Variants in BTBD9 observed in about 807,000 individuals in gnomAD.
The protein encoded by BTBD9 is BTB domain containing 9.
A neutral mutation model predicts 64.3 loss-of-function variants in BTBD9; 49 were observed. The ratio of observed to expected loss-of-function variants is 0.76; its 90% CI spans 0.61 to 0.97. The LOEUF is 0.97. BTBD9 is among the 50% of genes least tolerant of loss of function. The pLI is 0.00. For synonymous variants in BTBD9, 260 were observed against 274.7 expected, an observed-to-expected ratio of 0.95 and a Z score of 0.53; for missense variants, 598 against 762.1, an observed-to-expected ratio of 0.78 and a Z score of 2.53.
intron 6 of BTBD9, among the ~76,000 whole-genome samples, chr6:38,378,332 C>G (rs1034719665): frequency 3.2e-4 from 49 of 151,440 alleles, no homozygotes; most frequent in African/African-American, 1.1e-3. Flanking sequence ...CAACCTCCAC[C>G]TCCTAGGTTT....
At chr6:38,462,516 C>T (rs914759018) in intron 6 of BTBD9, among the ~76,000 whole-genome samples, 1 of 152,172 alleles carries the variant, frequency 6.6e-6, no homozygotes, top group African/African-American at 2.4e-5. Context: ...TATATGACTA[C>T]TATACTGTTT....
rs1766708472 is a variant in BTBD9 at position 38,170,437 on chromosome 6, G to C, written c.*4548C>G. 6.5e-6 allele frequency: 1 copy of C among 152,818 alleles called. No individual in the cohort carries two copies. Among genetic ancestry groups the C allele is most frequent in the African/African-American group, 2.4e-5 (1 of 41,424 alleles). The allele number at this position is 152,818 out of a possible 1,614,324, so 9.5% of individuals were successfully genotyped here. A position where few individuals can be genotyped will look rare whatever the true frequency, so the allele number is the denominator to read the frequency against. On this transcript the variant is annotated 3_prime_UTR_variant, in exon 11 of 11. Transcript: ENST00000481247. ...AAGCCAGAGACCTACCACAAACAAA[G>C]ACCTGCTGCCTCCGCCCCTCCTCCC...
chr6:38,525,282 A>G (rs1209638152), intron 6 of BTBD9, among the ~76,000 whole-genome samples: 2 of 152,160 alleles, frequency 1.3e-5, no homozygotes, highest in Non-Finnish European at 2.9e-5. Context: ...GCAACCTTGT[A>G]AAGAAGGTGC....
At chr6:38,591,761 TGTAA>T (rs1181753324) in intron 4 of BTBD9, among the ~76,000 whole-genome samples, 3 of 152,160 alleles carry the variant, frequency 2.0e-5, no homozygotes, top group East Asian at 3.9e-4. Flanking sequence ...CTATGCACTC[TGTAA>T]GTGTTAATTG....
At chr6:38,255,948 TTAAGAGAAATACCTAATG>T (rs1764562933) in intron 9 of BTBD9, among the ~76,000 whole-genome samples, 1 of 151,794 alleles carries the variant, frequency 6.6e-6, no homozygotes, top group Non-Finnish European at 1.5e-5. Flanking sequence ...AGGGATAGCA[TTAAGAGAAATACCTAATG>T]TAAATGATGA....
rs1766645236 is a variant in BTBD9, at chr6:38,169,217, C to G, written c.*5768G>C. On this transcript the variant is annotated 3_prime_UTR_variant, in exon 11 of 11. Coordinates refer to ENST00000481247, the MANE Select transcript of BTBD9 (RefSeq NM_001099272.2). ...CCTCCAGCAGGTCTCAGAATGACTC[C>G]TGTAGTGGCTAGGACTAGGGCACTG... 2 of 152,374 alleles carry G rather than the reference C, an allele frequency of 1.3e-5. No homozygotes were observed. The highest frequency in any genetic ancestry group is 4.8e-5 in the African/African-American group (2 of 41,450). 9.4% of individuals were successfully genotyped at this position (152,374 alleles called of 1,614,324 possible).
Position 38,374,296 on chromosome 6 carries a change from T to TATATATATATATATATATAC in BTBD9, c.1155-29204_1155-29203insGTATATATATATATATATAT, listed in dbSNP as rs1491482634. On this transcript the variant is annotated intron_variant, in intron 6 of 10. Transcript: ENST00000481247. ...AAAAAAAAAAAAGTATATATATATA[T>TATATATATATATATATATAC]GTATATATATGTATATATATATATA... Among the ~76,000 whole-genome samples, 19 of 70,580 alleles carry TATATATATATATATATATAC rather than the reference T, an allele frequency of 2.7e-4. 1 individual carries two copies. Among genetic ancestry groups the TATATATATATATATATATAC allele is most frequent in the Non-Finnish European group, 4.1e-4 (17 of 41,844 alleles). The allele number at this position is 70,580 out of a possible 152,430, so 46.3% of individuals were successfully genotyped here. A position where few individuals can be genotyped will look rare whatever the true frequency, so the allele number is the denominator to read the frequency against.
At chr6:38,282,318 G>A (rs1561968065) in intron 8 of BTBD9, among the ~76,000 whole-genome samples, 1 of 152,116 alleles carries the variant, frequency 6.6e-6, no homozygotes. Context: ...TGCTGTGCTT[G>A]TAAACCTAGC....
intron 6 of BTBD9, among the ~76,000 whole-genome samples, chr6:38,478,022 C>T (rs1168937323): frequency 6.6e-6 from 1 of 152,300 alleles, no homozygotes; most frequent in South Asian, 2.1e-4. Flanking sequence ...AATGAGAATA[C>T]CCCTGCTGCC....
chr6:38,614,005 T>A (rs1777705997), intron 1 of BTBD9, among the ~76,000 whole-genome samples: 1 of 152,178 alleles, frequency 6.6e-6, no homozygotes, highest in African/African-American at 2.4e-5. Flanking sequence ...AAGCAGACTT[T>A]GCTGGTGAGG....
At chr6:38,517,557 G>C (rs977621474) in intron 6 of BTBD9, among the ~76,000 whole-genome samples, 1 of 152,162 alleles carries the variant, frequency 6.6e-6, no homozygotes, top group Admixed American at 6.5e-5. Context: ...AGTAGCCACA[G>C]AGAGCCAGAA....
chr6:38,259,880 G>T (rs1268651369), intron 8 of BTBD9, among the ~76,000 whole-genome samples: 2 of 152,116 alleles, frequency 1.3e-5, no homozygotes, highest in Non-Finnish European at 2.9e-5. Context: ...TACCCTGAAT[G>T]AATCAGAAAG....
intron 6 of BTBD9, among the ~76,000 whole-genome samples, chr6:38,436,044 T>C (rs1768721902): frequency 6.6e-6 from 1 of 151,860 alleles, no homozygotes; most frequent in African/African-American, 2.4e-5. Flanking sequence ...GTTAACAATT[T>C]GGAGCAAAAT....
chr6:38,474,018 G>C (rs1770768815), intron 6 of BTBD9, among the ~76,000 whole-genome samples: 1 of 152,114 alleles, frequency 6.6e-6, no homozygotes, highest in African/African-American at 2.4e-5. Context: ...CAATAAGGCT[G>C]GAGTATTTAA....
At chr6:38,375,165 T>C (rs778015637) in intron 6 of BTBD9, among the ~76,000 whole-genome samples, 15 of 152,136 alleles carry the variant, frequency 9.9e-5, no homozygotes, top group Admixed American at 1.3e-4. Flanking sequence ...TGCTATTGAG[T>C]TGTCCACATG....
intron 7 of BTBD9, among the ~76,000 whole-genome samples, chr6:38,300,132 T>C (rs965776290): frequency 2.4e-4 from 37 of 152,192 alleles, no homozygotes; most frequent in African/African-American, 8.2e-4. Flanking sequence ...CCCCATTGCT[T>C]GTCTTTGTCA....
intron 5 of BTBD9, among the ~76,000 whole-genome samples, chr6:38,578,225 T>G (rs73733926): frequency 0.016 from 2,471 of 152,216 alleles, 69 homozygotes; most frequent in African/African-American, 0.056. Flanking sequence ...GGGCAGCTTA[T>G]CTCCTGCTGC....
In BTBD9 at chr6:38,401,588, T is replaced by A. The variant is rs994676760; in HGVS notation, c.1155-56495A>T. On this transcript the variant is annotated intron_variant, in intron 6 of 10. Coordinates refer to ENST00000481247, the MANE Select transcript of BTBD9 (RefSeq NM_001099272.2). ...ATAAAAGTGAAATGATCAACCCTGG[T>A]AAAGAGACAAGAAGTAGAGACCTGG... Among the ~76,000 whole-genome samples, 4 of 152,298 alleles carry A rather than the reference T, an allele frequency of 2.6e-5. No homozygotes were observed. In the East Asian group the frequency reaches 7.7e-4, roughly 29 times the overall value.
intron 9 of BTBD9, among the ~76,000 whole-genome samples, chr6:38,247,649 C>G (rs1764257080): frequency 6.6e-6 from 1 of 152,150 alleles, no homozygotes; most frequent in Admixed American, 6.5e-5. Context: ...TTGGGTGTCC[C>G]AGGGAAAGGC....
Sources: allele counts gnomAD v4.1 joint callset (sites outside exome capture counted in the v4.1 genomes callset), GRCh38; gene constraint gnomAD v4.1.1; transcripts MANE v1.5; gene names NCBI Gene and HGNC (gene_info 2026-07-23, HGNC 2026-07-21).